The following ARHGAP10 variants were observed in gnomAD, a reference collection of about 807,000 sequenced individuals.
ARHGAP10 encodes rho GTPase-activating protein 10.
A neutral mutation model predicts 108.6 loss-of-function variants in ARHGAP10; 87 were observed. That is an observed-to-expected ratio of 0.80 (90% confidence interval 0.67 to 0.96). The LOEUF (loss-of-function observed/expected upper bound fraction) is 0.96. Among genes scored for constraint, ARHGAP10 ranks in the 40% least tolerant of loss-of-function variants. The probability of loss-of-function intolerance (pLI) is 0.00; values close to 1 mark genes in which losing one functional copy is unlikely to be tolerated. For missense variants in ARHGAP10, 939 were observed against 954.5 expected (o/e 0.98, Z 0.21); for synonymous variants, 347 against 341.1 (o/e 1.02, Z -0.19).
chr4:147,922,709 T>A (rs981770215), intron 13 of ARHGAP10, among the ~76,000 whole-genome samples: 118 of 142,682 alleles, frequency 8.3e-4, no homozygotes, highest in East Asian at 6.9e-3. Context: ...AAAAAAAAAA[T>A]TTTATTCATA....
intron 20 of ARHGAP10, among the ~76,000 whole-genome samples, chr4:148,049,854 C>CG (rs1156634492): frequency 1.5e-4 from 2 of 13,236 alleles, no homozygotes; most frequent in Non-Finnish European, 3.6e-4. Flanking sequence ...GGGCGGGGGG[C>CG]GGGGGGTGGT....
chr4:147,732,938 C>T (rs949050654), intron 1 of ARHGAP10, among the ~76,000 whole-genome samples: 6 of 152,212 alleles, frequency 3.9e-5, no homozygotes, highest in African/African-American at 1.4e-4. Flanking sequence ...CCAGAGTCCC[C>T]TTAAGCTTCA....
chr4:147,867,916 T>C, intron 7 of ARHGAP10, among the ~76,000 whole-genome samples: 1 of 88,488 alleles, frequency 1.1e-5, no homozygotes, highest in South Asian at 5.3e-4. Context: ...TGTGTAGATT[T>C]TGTTTCTAAC....
intron 1 of ARHGAP10, among the ~76,000 whole-genome samples, chr4:147,777,845 A>G (rs1018104233): frequency 6.6e-5 from 10 of 152,154 alleles, no homozygotes; most frequent in Admixed American, 6.5e-4. Context: ...TGTGCCATCA[A>G]TTTTGTGTTT....
chr4:148,051,016 G>A (rs1729112254), intron 20 of ARHGAP10, among the ~76,000 whole-genome samples: 1 of 152,228 alleles, frequency 6.6e-6, no homozygotes, highest in African/African-American at 2.4e-5. Flanking sequence ...GACCCCAGTA[G>A]ATCTGTTGAA....
chr4:147,934,948 C>T (rs556314973), intron 13 of ARHGAP10, among the ~76,000 whole-genome samples: 7 of 152,024 alleles, frequency 4.6e-5, no homozygotes, highest in Non-Finnish European at 5.9e-5. Flanking sequence ...GATTTTTATC[C>T]GGTTTTGAAG....
intron 4 of ARHGAP10, among the ~76,000 whole-genome samples, chr4:147,849,717 TA>T (rs1733781525): frequency 1.3e-5 from 2 of 152,228 alleles, no homozygotes. Flanking sequence ...AACTGTGGTT[TA>T]AATCTATTCT....
At chr4:147,936,369 T>TGC (rs1737937726) in intron 13 of ARHGAP10, among the ~76,000 whole-genome samples, 2 of 135,238 alleles carry the variant, frequency 1.5e-5, no homozygotes, top group Non-Finnish European at 3.2e-5. Flanking sequence ...TCGCCCAGGC[T>TGC]GGACTGCGGA....
intron 14 of ARHGAP10, among the ~76,000 whole-genome samples, chr4:147,945,013 C>T (rs1738316186): frequency 6.6e-6 from 1 of 152,150 alleles, no homozygotes; most frequent in Non-Finnish European, 1.5e-5. Flanking sequence ...ACATTATCTC[C>T]ATTGTGCAGA....
At chr4:147,749,331 G>A (rs192315946) in intron 1 of ARHGAP10, among the ~76,000 whole-genome samples, 1 of 152,286 alleles carries the variant, frequency 6.6e-6, no homozygotes, top group Admixed American at 6.5e-5. Flanking sequence ...ACCTTAGCTT[G>A]TTGTAGGCCA....
intron 16 of ARHGAP10, among the ~76,000 whole-genome samples, chr4:147,958,567 G>T (rs146434083): frequency 1.8e-4 from 27 of 152,304 alleles, no homozygotes; most frequent in African/African-American, 5.1e-4. Context: ...CTGGGGAAGG[G>T]CTTAGGAACC....
chr4:147,911,150 T>C (rs1736714039), intron 12 of ARHGAP10, among the ~76,000 whole-genome samples: 1 of 152,058 alleles, frequency 6.6e-6, no homozygotes, highest in Non-Finnish European at 1.5e-5. Flanking sequence ...CAGAAATAAA[T>C]ACTTCCATTT....
At chr4:147,972,126 CAG>C (rs1410190317) in intron 18 of ARHGAP10, among the ~76,000 whole-genome samples, 1 of 152,064 alleles carries the variant, frequency 6.6e-6, no homozygotes, top group African/African-American at 2.4e-5. Flanking sequence ...GTCCATTAGA[CAG>C]AGATTTGGTG....
intron 1 of ARHGAP10, among the ~76,000 whole-genome samples, chr4:147,808,464 C>G (rs976673304): frequency 1.3e-5 from 2 of 151,900 alleles, no homozygotes; most frequent in Non-Finnish European, 2.9e-5. Flanking sequence ...TGGATTTTAT[C>G]CTGAATACAA....
At chr4:147,817,013 G>A (rs1033451421) in intron 1 of ARHGAP10, among the ~76,000 whole-genome samples, 1 of 152,070 alleles carries the variant, frequency 6.6e-6, no homozygotes, top group Non-Finnish European at 1.5e-5. Flanking sequence ...CTAATTATGT[G>A]GCTCTCTACA....
chr4:147,980,631 C>G (rs143531321), intron 18 of ARHGAP10, among the ~76,000 whole-genome samples: 2 of 152,192 alleles, frequency 1.3e-5, no homozygotes, highest in Admixed American at 1.3e-4. Context: ...TTTTGTAAGC[C>G]TGGTAGAATT....
chr4:148,054,866 C>T lies in ARHGAP10; in HGVS notation c.2027+7815C>T, dbSNP rs76665662. Among the ~76,000 whole-genome samples the T allele has an allele frequency of 6.8e-3, 1,032 of 152,276 alleles. 13 individuals are homozygous for T. The highest frequency in any genetic ancestry group is 0.024 in the African/African-American group (985 of 41,548). ...TAAGTGATTGGTGGATTTTTCTGAG[C>T]GGAGTATCTGTGTCCCTTTAGAGCT... On this transcript the variant is annotated intron_variant, in intron 20 of 22. Transcript: ENST00000336498.
chr4:147,733,931 A>C (rs1010944297), intron 1 of ARHGAP10, among the ~76,000 whole-genome samples: 1 of 152,044 alleles, frequency 6.6e-6, no homozygotes, highest in Non-Finnish European at 1.5e-5. Context: ...ACTCTGGGAC[A>C]TGTGACAAGT....
intron 22 of ARHGAP10, 98 bp downstream of exon 22, chr4:148,064,605 G>GACTCGCCCTCCC: frequency 1.8e-6 from 2 of 1,093,536 alleles, no homozygotes; most frequent in Non-Finnish European, 2.7e-6. Context: ...GTTGTCGGGA[G>GACTCGCCCTCCC]GGCGAGTCTC....
Sources: gnomAD v4.1 joint callset for allele counts (sites outside exome capture counted in the v4.1 genomes callset) on GRCh38, gnomAD v4.1.1 for gene constraint, MANE v1.5 for transcripts, NCBI Gene and HGNC (gene_info 2026-07-23, HGNC 2026-07-21) for gene names.